Variants in ADAMTS12 observed in about 807,000 individuals in gnomAD.
ADAMTS12 encodes the protein A disintegrin and metalloproteinase with thrombospondin motifs 12.
In ADAMTS12, 118 loss-of-function variants were observed where a neutral mutation model predicts 167.8. The ratio of observed to expected loss-of-function variants is 0.70; its 90% CI spans 0.61 to 0.82. The LOEUF (loss-of-function observed/expected upper bound fraction) is 0.82. Ranked by LOEUF, ADAMTS12 falls within the 40% of genes least tolerant of loss-of-function variation. The pLI is 0.00. For missense variants in ADAMTS12, 1,916 were observed against 1,998.8 expected (o/e 0.96, Z 0.79); for synonymous variants, 704 against 716.9 (o/e 0.98, Z 0.29).
Position 33,624,149 on chromosome 5 carries a change from CA to C in ADAMTS12, c.2143+81del, listed in dbSNP as rs1243653799. 3 of 1,576,996 alleles carry C rather than the reference CA, an allele frequency of 1.9e-6. No individual in the cohort carries two copies. In the East Asian group the frequency reaches 6.8e-5, roughly 36 times the overall value. On this transcript the variant is annotated intron_variant, in intron 14 of 23. Transcript: ENST00000504830. The stretch of plus-strand genomic sequence containing the variant: ...CACAGACTGTTTAAAGAAATAAAAA[CA>C]AAAACTAGGAACCAATCAACCATTT...
chr5:33,830,414 C>T (rs1354296248), intron 2 of ADAMTS12, among the ~76,000 whole-genome samples: 3 of 152,150 alleles, frequency 2.0e-5, no homozygotes, highest in Non-Finnish European at 4.4e-5. Context: ...GGTCAGCCTA[C>T]CAAGAAAGCA....
chr5:33,751,317 T>C (rs1267933544), intron 3 of ADAMTS12, 87 bp downstream of exon 3: 41 of 1,541,194 alleles, frequency 2.7e-5, no homozygotes, highest in Non-Finnish European at 3.6e-5. Flanking sequence ...GATAAGAGAC[T>C]TGAGTAAGAA....
At chr5:33,608,780 T>C (rs963498539) in intron 16 of ADAMTS12, among the ~76,000 whole-genome samples, 2 of 152,216 alleles carry the variant, frequency 1.3e-5, no homozygotes, top group African/African-American at 4.8e-5. Context: ...TCCTATTTAA[T>C]GCAGGACAGT....
chr5:33,626,338 G>C (rs575698842), intron 13 of ADAMTS12, among the ~76,000 whole-genome samples: 11 of 151,272 alleles, frequency 7.3e-5, no homozygotes, highest in South Asian at 4.2e-4. Flanking sequence ...GTGGTGATGT[G>C]GTAGTAGTGG....
intron 2 of ADAMTS12, among the ~76,000 whole-genome samples, chr5:33,871,149 A>G (rs1750024089): frequency 6.6e-6 from 1 of 152,202 alleles, no homozygotes; most frequent in South Asian, 2.1e-4. Flanking sequence ...ACCCAAAATG[A>G]AATAGAAAAT....
chr5:33,655,133 C>T (rs1179694885), intron 7 of ADAMTS12, among the ~76,000 whole-genome samples: 1 of 152,056 alleles, frequency 6.6e-6, no homozygotes, highest in Non-Finnish European at 1.5e-5. Flanking sequence ...ATTCTATCTT[C>T]CATGACTTAT....
At chr5:33,559,178 T>A (rs375555836) in intron 20 of ADAMTS12, among the ~76,000 whole-genome samples, 7 of 152,190 alleles carry the variant, frequency 4.6e-5, no homozygotes, top group African/African-American at 1.7e-4. Context: ...AGAGGTGACA[T>A]CAGCTTCCCT....
chr5:33,534,375 A>G (rs1744267425), intron 23 of ADAMTS12, among the ~76,000 whole-genome samples: 1 of 152,154 alleles, frequency 6.6e-6, no homozygotes, highest in South Asian at 2.1e-4. Context: ...TACTTACTTA[A>G]TGAATCCCTT....
chr5:33,573,332 C>T (rs1251082840), intron 19 of ADAMTS12, among the ~76,000 whole-genome samples: 3 of 152,232 alleles, frequency 2.0e-5, no homozygotes, highest in Non-Finnish European at 4.4e-5. Flanking sequence ...AGGCATCACG[C>T]TACCTGACTT....
At chr5:33,631,771 C>T (rs188411984) in intron 12 of ADAMTS12, among the ~76,000 whole-genome samples, 2 of 152,168 alleles carry the variant, frequency 1.3e-5, no homozygotes, top group African/African-American at 2.4e-5. Context: ...GTAATGAATG[C>T]TTTTCTTTAG....
intron 2 of ADAMTS12, among the ~76,000 whole-genome samples, chr5:33,820,434 C>A (rs1275709212): frequency 6.6e-6 from 1 of 152,160 alleles, no homozygotes. Context: ...GAACTTTATA[C>A]AGATCTTTTA....
chr5:33,598,291 C>G (rs1258405227), intron 16 of ADAMTS12, among the ~76,000 whole-genome samples: 2 of 152,212 alleles, frequency 1.3e-5, no homozygotes, highest in Non-Finnish European at 2.9e-5. Context: ...GTAGGTCGAC[C>G]CCCTGACATT....
intron 2 of ADAMTS12, among the ~76,000 whole-genome samples, chr5:33,858,965 G>A (rs1383852562): frequency 3.9e-5 from 6 of 152,226 alleles, no homozygotes; most frequent in African/African-American, 7.2e-5. Context: ...CTTGAGGAAC[G>A]GTGCACTCCA....
chr5:33,602,208 C>T (rs996249069), intron 16 of ADAMTS12, among the ~76,000 whole-genome samples: 2 of 152,078 alleles, frequency 1.3e-5, no homozygotes, highest in African/African-American at 2.4e-5. Flanking sequence ...GATAAATCTC[C>T]GCTGGCCGCA....
chr5:33,873,674 A>C (rs1359430552), intron 2 of ADAMTS12, among the ~76,000 whole-genome samples: 1 of 152,214 alleles, frequency 6.6e-6, no homozygotes, highest in East Asian at 1.9e-4. Context: ...TAAAGGTATA[A>C]TCATCAAGAC....
intron 22 of ADAMTS12, among the ~76,000 whole-genome samples, chr5:33,542,777 G>A (rs973949470): frequency 1.3e-5 from 2 of 152,216 alleles, no homozygotes; most frequent in Admixed American, 6.5e-5. Flanking sequence ...GGTACATAAC[G>A]AAATGAAGGC....
chr5:33,785,550 G>A (rs948082818), intron 2 of ADAMTS12, among the ~76,000 whole-genome samples: 1 of 152,066 alleles, frequency 6.6e-6, no homozygotes, highest in East Asian at 1.9e-4. Flanking sequence ...CTTCAGCAAA[G>A]AAATATTGAA....
Position 33,845,694 on chromosome 5 carries a change from T to C in ADAMTS12, c.489+35425A>G, listed in dbSNP as rs1382272249. Among the ~76,000 whole-genome samples the C allele has an allele frequency of 2.6e-5, 4 of 152,222 alleles. 1 individual carries two copies. Among genetic ancestry groups the C allele is most frequent in the South Asian group, 2.1e-4 (1 of 4,824 alleles). ...CAGGAGAGAAGCCTAGTAGACATCATCTTAATCAAGTAATCAAAATGAGTA... is the reference window on the plus strand; with the variant it reads ...CAGGAGAGAAGCCTAGTAGACATCACCTTAATCAAGTAATCAAAATGAGTA... On this transcript the variant is annotated intron_variant, in intron 2 of 23. Coordinates refer to ENST00000504830, the MANE Select transcript of ADAMTS12 (RefSeq NM_030955.4).
At chr5:33,717,000 A>T (rs1292051552) in intron 3 of ADAMTS12, among the ~76,000 whole-genome samples, 1 of 152,184 alleles carries the variant, frequency 6.6e-6, no homozygotes, top group African/African-American at 2.4e-5. Context: ...GGTTTGCAAA[A>T]GGGAAAAACT....
Sources: gnomAD v4.1 joint callset for allele counts (sites outside exome capture counted in the v4.1 genomes callset) on GRCh38, gnomAD v4.1.1 for gene constraint, MANE v1.5 for transcripts, NCBI Gene and HGNC (gene_info 2026-07-23, HGNC 2026-07-21) for gene names.